DOCK5: variants seen among roughly 807,000 people sequenced by gnomAD.
DOCK5 encodes the protein dedicator of cytokinesis protein 5.
In DOCK5, 142 loss-of-function variants were observed where a neutral mutation model predicts 251.8. That is an observed-to-expected ratio of 0.56 (90% confidence interval 0.49 to 0.65). The LOEUF (loss-of-function observed/expected upper bound fraction) is 0.65, where lower values mean the gene tolerates loss of function less well. Ranked by LOEUF, DOCK5 falls within the 30% of genes least tolerant of loss-of-function variation. The pLI, the probability that DOCK5 is intolerant of heterozygous loss-of-function variation, is 0.00. For missense variants in DOCK5, 2,111 were observed against 2,312.3 expected (o/e 0.91, Z 1.79); for synonymous variants, 842 against 835.5 (o/e 1.01, Z -0.13).
At chr8:25,262,481 C>T (rs1036183358) in intron 2 of DOCK5, among the ~76,000 whole-genome samples, 3 of 152,092 alleles carry the variant, frequency 2.0e-5, no homozygotes, top group African/African-American at 4.8e-5. Context: ...TTTTGTATCC[C>T]TATAATTTTG....
chr8:25,409,195 T>G (rs1407071192), intron 50 of DOCK5, among the ~76,000 whole-genome samples: 1 of 152,226 alleles, frequency 6.6e-6, no homozygotes, highest in African/African-American at 2.4e-5. Flanking sequence ...ATGAGGCAGA[T>G]CTGCACTAGG....
chr8:25,198,907 TG>T (rs1162660179), intron 1 of DOCK5, among the ~76,000 whole-genome samples: 1 of 152,202 alleles, frequency 6.6e-6, no homozygotes, highest in Non-Finnish European at 1.5e-5. Context: ...CTGTGTCTCC[TG>T]GGTTTTTTCC....
At position 25,198,757 on chromosome 8, in the gene DOCK5, A is replaced by T. The variant is rs1801797610; in HGVS notation, c.43+13806A>T. 3.3e-5 allele frequency among the ~76,000 whole-genome samples: 5 copies of T among 152,218 alleles called. No individual in the cohort carries two copies. The South Asian group carries it at 1.0e-3, about 31-fold the overall frequency. On this transcript the variant is annotated intron_variant, in intron 1 of 51. Coordinates refer to ENST00000276440, the MANE Select transcript of DOCK5 (RefSeq NM_024940.8). ...ACATCAGATGACTTACCTAAAAGTC[A>T]CACAGCTAGTAGCAAATTTTTGTTT...
intron 2 of DOCK5, among the ~76,000 whole-genome samples, chr8:25,260,116 C>A (rs1803535078): frequency 6.6e-6 from 1 of 152,174 alleles, no homozygotes; most frequent in African/African-American, 2.4e-5. Context: ...TTGCACCCAG[C>A]AGTTTCTGCT....
chr8:25,201,677 T>C (rs1801880749), intron 1 of DOCK5, among the ~76,000 whole-genome samples: 1 of 152,200 alleles, frequency 6.6e-6, no homozygotes, highest in South Asian at 2.1e-4. Flanking sequence ...AGTCCAAGTC[T>C]CCTAACTTTT....
intron 48 of DOCK5, among the ~76,000 whole-genome samples, chr8:25,406,709 C>G (rs1460526902): frequency 6.6e-6 from 1 of 151,756 alleles, no homozygotes; most frequent in Non-Finnish European, 1.5e-5. Flanking sequence ...CTCGCTGCAA[C>G]CTCTGCCTCC....
intron 2 of DOCK5, among the ~76,000 whole-genome samples, chr8:25,263,801 C>T (rs1196684717): frequency 6.6e-6 from 1 of 151,784 alleles, no homozygotes; most frequent in Non-Finnish European, 1.5e-5. Flanking sequence ...TGCAGCCTTC[C>T]CCCACTGCGA....
chr8:25,356,394 G>A (rs572136049), intron 27 of DOCK5, among the ~76,000 whole-genome samples: 28 of 152,164 alleles, frequency 1.8e-4, no homozygotes, highest in East Asian at 7.7e-4. Flanking sequence ...GGCTGGGTGC[G>A]GTGGCTCATG....
intron 28 of DOCK5, 99 bp from the exon 29 acceptor site, chr8:25,362,948 C>T: frequency 1.2e-6 from 1 of 838,876 alleles, no homozygotes; most frequent in East Asian, 2.4e-5. Context: ...GGGCTAGGAA[C>T]ATCCTGTTCT....
chr8:25,190,775 GGTTTTTTTTTTTT>G (rs1470373443), intron 1 of DOCK5, among the ~76,000 whole-genome samples: 3 of 53,980 alleles, frequency 5.6e-5, no homozygotes, highest in East Asian at 6.5e-4. Context: ...CTTGGTCATG[GGTTTTTTTTTTTT>G]TTTTTTTTTT....
intron 1 of DOCK5, among the ~76,000 whole-genome samples, chr8:25,189,949 C>T (rs925080267): frequency 1.3e-5 from 2 of 152,130 alleles, no homozygotes; most frequent in South Asian, 4.1e-4. Flanking sequence ...TGCAGTGGTG[C>T]AATCTTGGCT....
intron 18 of DOCK5, among the ~76,000 whole-genome samples, chr8:25,326,874 G>A (rs189881654): frequency 1.9e-4 from 29 of 152,186 alleles, no homozygotes; most frequent in Non-Finnish European, 2.5e-4. Flanking sequence ...ATATAATTAA[G>A]TGATGAAATA....
intron 27 of DOCK5, among the ~76,000 whole-genome samples, chr8:25,352,853 G>C (rs184713798): frequency 6.6e-6 from 1 of 152,258 alleles, no homozygotes; most frequent in Non-Finnish European, 1.5e-5. Flanking sequence ...CAGGATAAGG[G>C]AAGTGAGGGT....
chr8:25,334,303 C>T (rs1805750056), intron 21 of DOCK5, 107 bp downstream of exon 21: 1 of 866,456 alleles, frequency 1.2e-6, no homozygotes. Context: ...AGTAAATACG[C>T]CTGTTAAGGC....
chr8:25,260,379 A>G (rs1015241122), intron 2 of DOCK5, among the ~76,000 whole-genome samples: 14 of 147,772 alleles, frequency 9.5e-5, no homozygotes, highest in Non-Finnish European at 1.9e-4. Context: ...CCACAAACAC[A>G]CACATAATGC....
chr8:25,385,317 A>G (rs935962862), intron 40 of DOCK5, among the ~76,000 whole-genome samples: 9 of 152,180 alleles, frequency 5.9e-5, no homozygotes, highest in Non-Finnish European at 1.2e-4. Context: ...CTAAGAGACC[A>G]TTGCAGATGT....
intron 2 of DOCK5, among the ~76,000 whole-genome samples, chr8:25,258,589 C>G (rs1445790448): frequency 1.3e-5 from 2 of 152,112 alleles, no homozygotes; most frequent in African/African-American, 4.8e-5. Context: ...CGCTGCCTGT[C>G]TCTGCCCACT....
At chr8:25,237,002 A>G (rs1802818451) in intron 1 of DOCK5, among the ~76,000 whole-genome samples, 1 of 152,168 alleles carries the variant, frequency 6.6e-6, no homozygotes, top group African/African-American at 2.4e-5. Flanking sequence ...TGACTAATAA[A>G]AAATATAATG....
At chr8:25,280,148 G>GT (rs964851006) in intron 5 of DOCK5, among the ~76,000 whole-genome samples, 5 of 152,194 alleles carry the variant, frequency 3.3e-5, no homozygotes. Flanking sequence ...CTGTTAGTGG[G>GT]TTCCAGCCTT....
Sources: allele counts gnomAD v4.1 joint callset (sites outside exome capture counted in the v4.1 genomes callset), GRCh38; gene constraint gnomAD v4.1.1; transcripts MANE v1.5; gene names NCBI Gene and HGNC (gene_info 2026-07-23, HGNC 2026-07-21).